TWSG1: variants seen among roughly 807,000 people sequenced by gnomAD.
The protein encoded by TWSG1 is twisted gastrulation protein homolog 1.
A neutral mutation model predicts 23.0 loss-of-function variants in TWSG1; 15 were observed. The ratio of observed to expected loss-of-function variants is 0.65; its 90% CI spans 0.44 to 1.00. The LOEUF is 1.00. Ranked by LOEUF, TWSG1 falls within the 50% of genes least tolerant of loss-of-function variation. The pLI is 0.00. For synonymous variants in TWSG1, 86 were observed against 92.8 expected (o/e 0.93, Z 0.42); for missense variants, 242 against 278.7 (o/e 0.87, Z 0.94).
At chr18:9,397,560 CA>C (rs1183256059) in intron 4 of TWSG1, among the ~76,000 whole-genome samples, 1 of 152,106 alleles carries the variant, frequency 6.6e-6, no homozygotes, top group Non-Finnish European at 1.5e-5. Context: ...TATTTTTTGA[CA>C]AAAGGCACCA....
chr18:9,395,793 C>A (rs1348834095), intron 3 of TWSG1, among the ~76,000 whole-genome samples: 2 of 152,162 alleles, frequency 1.3e-5, no homozygotes, highest in Non-Finnish European at 2.9e-5. Context: ...TATCAAACTC[C>A]TGGGCTGAAG....
intron 3 of TWSG1, among the ~76,000 whole-genome samples, chr18:9,381,937 A>G (rs1042781786): frequency 6.6e-6 from 1 of 152,306 alleles, no homozygotes; most frequent in African/African-American, 2.4e-5. Flanking sequence ...GCTTATCCGC[A>G]CGTTTTAAGT....
intron 3 of TWSG1, among the ~76,000 whole-genome samples, chr18:9,363,864 G>A (rs951507023): frequency 6.6e-6 from 1 of 152,100 alleles, no homozygotes; most frequent in Non-Finnish European, 1.5e-5. Flanking sequence ...CTGTCCTCAA[G>A]TGATCTGCCC....
At chr18:9,372,661 C>G (rs775700192) in intron 3 of TWSG1, among the ~76,000 whole-genome samples, 11 of 151,396 alleles carry the variant, frequency 7.3e-5, no homozygotes, top group Non-Finnish European at 1.5e-4. Context: ...TTATAAGGTA[C>G]TCACATTACC....
intron 3 of TWSG1, among the ~76,000 whole-genome samples, chr18:9,364,183 C>T (rs2040566276): frequency 6.6e-6 from 1 of 152,068 alleles, no homozygotes; most frequent in African/African-American, 2.4e-5. Flanking sequence ...CAAAATAAAC[C>T]ACATTCTGGA....
intron 3 of TWSG1, among the ~76,000 whole-genome samples, chr18:9,376,906 GTCA>G (rs1198638858): frequency 6.7e-6 from 1 of 148,580 alleles, no homozygotes; most frequent in Admixed American, 6.7e-5. Context: ...TTTTTTTCTT[GTCA>G]TCATTCCTTT....
rs6146209 is a variant in TWSG1, at chr18:9,343,210, TTATATATATA to T, written c.123+5900_123+5909del. Among the ~76,000 whole-genome samples, 755 of 131,650 alleles carry T rather than the reference TTATATATATA, an allele frequency of 5.7e-3. 12 individuals carry two copies. Among genetic ancestry groups the T allele is most frequent in the Non-Finnish European group, 7.7e-3 (473 of 61,814 alleles). The allele number at this position is 131,650 out of a possible 152,430, so 86.4% of individuals were successfully genotyped here. On this transcript the variant is annotated intron_variant, in intron 2 of 4. Coordinates refer to ENST00000262120, the MANE Select transcript of TWSG1 (RefSeq NM_020648.6). The stretch of plus-strand genomic sequence containing the variant: ...AGGAAATGCCCTGTTTTGTTTTTTG[TTATATATATA>T]TATATATATATATATATATATATAT...
intron 3 of TWSG1, among the ~76,000 whole-genome samples, chr18:9,387,715 A>G (rs1237279022): frequency 6.6e-6 from 1 of 150,790 alleles, no homozygotes; most frequent in Non-Finnish European, 1.5e-5. Flanking sequence ...GGCTGCAGTG[A>G]GCCGAGATCG....
chr18:9,352,416 A>G (rs142656386), intron 2 of TWSG1, among the ~76,000 whole-genome samples: 52 of 152,268 alleles, frequency 3.4e-4, no homozygotes, highest in Non-Finnish European at 6.0e-4. Context: ...TTATGGACCT[A>G]TGTTTTAATT....
chr18:9,378,061 G>A (rs1253632934), intron 3 of TWSG1, among the ~76,000 whole-genome samples: 1 of 152,196 alleles, frequency 6.6e-6, no homozygotes, highest in Non-Finnish European at 1.5e-5. Flanking sequence ...AGAAAGAACT[G>A]ATAAGCCGAA....
chr18:9,368,459 C>T (rs1465494800), intron 3 of TWSG1, among the ~76,000 whole-genome samples: 1 of 152,168 alleles, frequency 6.6e-6, no homozygotes, highest in East Asian at 1.9e-4. Flanking sequence ...CCTCAGCCTC[C>T]CAGAGTGCTG....
At position 9,401,339 on chromosome 18, in the gene TWSG1, T is replaced by A. The variant is rs2040761626; in HGVS notation, c.*1812T>A. The A allele has an allele frequency of 6.6e-6, 1 of 150,708 alleles. No individual in the cohort carries two copies. Among genetic ancestry groups the A allele is most frequent in the Non-Finnish European group, 1.5e-5 (1 of 67,680 alleles). The allele number at this position is 150,708 out of a possible 1,614,324, so 9.3% of individuals were successfully genotyped here. The stretch of plus-strand genomic sequence containing the variant: ...AGGAATCTGCAGTCTCCTGCTGCAG[T>A]TCAACTCTGCTGTTTTTCAGTCATT... On this transcript the variant is annotated 3_prime_UTR_variant, in exon 5 of 5. Transcript: ENST00000262120.
chr18:9,362,519 A>G (rs1235267353), intron 3 of TWSG1, among the ~76,000 whole-genome samples: 1 of 152,216 alleles, frequency 6.6e-6, no homozygotes, highest in Non-Finnish European at 1.5e-5. Context: ...CACACATAAG[A>G]ATTTAATTTA....
intron 2 of TWSG1, among the ~76,000 whole-genome samples, chr18:9,350,152 A>AG (rs2040495899): frequency 6.6e-6 from 1 of 151,966 alleles, no homozygotes; most frequent in African/African-American, 2.4e-5. Context: ...AAAAAAAAAA[A>AG]GTTGTGGCGC....
At chr18:9,345,698 C>A (rs917226963) in intron 2 of TWSG1, among the ~76,000 whole-genome samples, 1 of 152,092 alleles carries the variant, frequency 6.6e-6, no homozygotes, top group Non-Finnish European at 1.5e-5. Context: ...AGTTCTCCAA[C>A]TTTGTACTTT....
chr18:9,352,861 C>T (rs532966274), intron 2 of TWSG1, among the ~76,000 whole-genome samples: 49 of 152,242 alleles, frequency 3.2e-4, no homozygotes, highest in African/African-American at 1.1e-3. Flanking sequence ...GATAAATATA[C>T]TCCCCCTCAA....
At position 9,357,230 on chromosome 18, in the gene TWSG1, A is replaced by G. The variant is rs748214099; in HGVS notation, c.124-2742A>G. ...GGCCCAGCAAAGTTACCTAATGTCT[A>G]TGTCACATGAATGCAGCCTGAGTGT... On this transcript the variant is annotated intron_variant, in intron 2 of 4. Transcript: ENST00000262120. 5.9e-5 allele frequency among the ~76,000 whole-genome samples: 9 copies of G among 152,318 alleles called. No individual in the cohort carries two copies. The East Asian group carries it at 1.2e-3, about 20-fold the overall frequency.
At chr18:9,380,851 A>G (rs1400468658) in intron 3 of TWSG1, among the ~76,000 whole-genome samples, 1 of 152,234 alleles carries the variant, frequency 6.6e-6, no homozygotes, top group Non-Finnish European at 1.5e-5. Context: ...GTTTTAAAAG[A>G]TTAAGGAAAG....
chr18:9,362,634 T>C (rs1485714181), intron 3 of TWSG1, among the ~76,000 whole-genome samples: 1 of 152,182 alleles, frequency 6.6e-6, no homozygotes, highest in Non-Finnish European at 1.5e-5. Context: ...TGAATGTGAG[T>C]GTATGTGTGT....
Sources: allele counts gnomAD v4.1 joint callset (sites outside exome capture counted in the v4.1 genomes callset), GRCh38; gene constraint gnomAD v4.1.1; transcripts MANE v1.5; gene names NCBI Gene and HGNC (gene_info 2026-07-23, HGNC 2026-07-21).